RAI14: variants seen among roughly 807,000 people sequenced by gnomAD.
RAI14 encodes retinoic acid induced 14.
In RAI14, 45 loss-of-function variants were observed where a neutral mutation model predicts 115.4. The observed-to-expected ratio is 0.39, with a 90% CI of 0.31 to 0.50. The LOEUF (loss-of-function observed/expected upper bound fraction) is 0.50. RAI14 is among the 20% of genes least tolerant of loss of function. The pLI is 0.85. For synonymous variants in RAI14, 371 were observed against 415.4 expected, an observed-to-expected ratio of 0.89 and a Z score of 1.30; for missense variants, 939 against 1,131.2, an observed-to-expected ratio of 0.83 and a Z score of 2.44.
intron 10 of RAI14, among the ~76,000 whole-genome samples, chr5:34,813,050 T>C (rs1354836395): frequency 1.3e-5 from 2 of 152,248 alleles, no homozygotes; most frequent in African/African-American, 4.8e-5. Flanking sequence ...GAACAGTATA[T>C]GTTTGGTTGT....
At chr5:34,786,125 C>T (rs536606272) in intron 3 of RAI14, among the ~76,000 whole-genome samples, 80 of 152,306 alleles carry the variant, frequency 5.3e-4, no homozygotes, top group African/African-American at 1.5e-3. Flanking sequence ...AGAAATGCCC[C>T]GGTTTGGAAC....
At chr5:34,746,225 C>T (rs1746203252) in intron 2 of RAI14, among the ~76,000 whole-genome samples, 1 of 151,682 alleles carries the variant, frequency 6.6e-6, no homozygotes, top group Non-Finnish European at 1.5e-5. Context: ...CCTGCCTCAG[C>T]CTGCCAAGTA....
intron 2 of RAI14, chr5:34,688,053 C>T: frequency 7.0e-7 from 1 of 1,431,020 alleles, no homozygotes; most frequent in Non-Finnish European, 9.2e-7. Context: ...TTGATCTTAC[C>T]TTCTTATCCT....
At chr5:34,670,565 T>C (rs1427438532) in intron 1 of RAI14, among the ~76,000 whole-genome samples, 1 of 152,222 alleles carries the variant, frequency 6.6e-6, no homozygotes, top group Non-Finnish European at 1.5e-5. Context: ...ACCCTGCCTT[T>C]AAGGAACTGC....
chr5:34,777,060 G>A lies in RAI14; in HGVS notation c.168-18879G>A, dbSNP rs114266001. ...GTGGCATGCACCCGTAATACCAGCA[G>A]GAGGCTGAGGCAGGAGAATCGCTTG... On this transcript the variant is annotated intron_variant, in intron 3 of 17. Transcript: ENST00000265109. Among the ~76,000 whole-genome samples the A allele has an allele frequency of 3.9e-3, 589 of 151,948 alleles. 5 individuals are homozygous for A. Among genetic ancestry groups the A allele is most frequent in the African/African-American group, 0.014 (564 of 41,406 alleles).
At chr5:34,692,601 T>C (rs1738770093) in intron 2 of RAI14, among the ~76,000 whole-genome samples, 2 of 150,760 alleles carry the variant, frequency 1.3e-5, no homozygotes, top group Admixed American at 6.6e-5. Context: ...AAATCTATTT[T>C]AAGCTAAGCC....
chr5:34,775,524 C>T (rs527641255), intron 3 of RAI14, among the ~76,000 whole-genome samples: 8 of 152,172 alleles, frequency 5.3e-5, no homozygotes, highest in South Asian at 2.1e-4. Context: ...CTTTAGCCTA[C>T]GAGTTCAAGA....
At position 34,729,977 on chromosome 5, in the gene RAI14, G is replaced by C. The variant is rs999693398; in HGVS notation, c.37-27491G>C. ...TTAAAAAAAGTTCTCATTGTTTAGA[G>C]ACACATACTGAAATATTTATTGATG... On this transcript the variant is annotated intron_variant, in intron 2 of 17. Coordinates refer to ENST00000265109, the MANE Select transcript of RAI14 (RefSeq NM_015577.3). Among the ~76,000 whole-genome samples, 3 of 152,226 alleles carry C rather than the reference G, an allele frequency of 2.0e-5. No individual in the cohort carries two copies. The South Asian group carries it at 6.2e-4, about 32-fold the overall frequency.
intron 2 of RAI14, among the ~76,000 whole-genome samples, chr5:34,735,845 A>C (rs1580076949): frequency 6.6e-6 from 1 of 152,326 alleles, no homozygotes; most frequent in East Asian, 1.9e-4. Flanking sequence ...TTGTCTGTAC[A>C]ATTCCAGTAT....
At chr5:34,819,766 T>C (rs561295532) in intron 13 of RAI14, among the ~76,000 whole-genome samples, 7 of 152,300 alleles carry the variant, frequency 4.6e-5, no homozygotes, top group Non-Finnish European at 1.0e-4. Context: ...TTTTTATTTA[T>C]GTATTTATTG....
rs1428350297 is a variant in RAI14, at chr5:34,757,599, G to A, written c.167+1G>A. The A allele has an allele frequency of 2.5e-6, 4 of 1,606,338 alleles. No homozygotes were observed. The highest frequency in any genetic ancestry group is 3.4e-6 in the Non-Finnish European group (4 of 1,175,878). On this transcript the variant is annotated splice_donor_variant, in intron 3 of 17. Coordinates refer to ENST00000265109, the MANE Select transcript of RAI14 (RefSeq NM_015577.3). LOFTEE classifies it high-confidence loss of function. ...AACACGACAGTGAGGGCAAGACCGCGTAAGCTGAAACACTGGTTTGCAGAT... is the reference window on the plus strand; with the variant it reads ...AACACGACAGTGAGGGCAAGACCGCATAAGCTGAAACACTGGTTTGCAGAT...
At chr5:34,659,652 A>G (rs1204255079) in intron 1 of RAI14, among the ~76,000 whole-genome samples, 1 of 152,124 alleles carries the variant, frequency 6.6e-6, no homozygotes, top group Non-Finnish European at 1.5e-5. Context: ...TGTACAATAA[A>G]CATCCTGAGA....
chr5:34,798,831 C>G (rs1352398286), intron 4 of RAI14, among the ~76,000 whole-genome samples: 1 of 152,204 alleles, frequency 6.6e-6, no homozygotes, highest in African/African-American at 2.4e-5. Context: ...CAGTGGGAAC[C>G]AATTGAAATT....
At chr5:34,812,408 G>A (rs751457508) in intron 10 of RAI14, among the ~76,000 whole-genome samples, 200 bp downstream of exon 10, 14 of 152,232 alleles carry the variant, frequency 9.2e-5, no homozygotes, top group Non-Finnish European at 1.3e-4. Context: ...GCTCACGCCT[G>A]TAATCCCAGC....
chr5:34,734,226 A>AGG (rs1350261187), intron 2 of RAI14, among the ~76,000 whole-genome samples: 2 of 152,120 alleles, frequency 1.3e-5, no homozygotes, highest in Admixed American at 6.5e-5. Flanking sequence ...GTTGGTGGGC[A>AGG]GGGGGTGGGG....
intron 2 of RAI14, among the ~76,000 whole-genome samples, chr5:34,691,215 C>G (rs1738553149): frequency 6.6e-6 from 1 of 152,068 alleles, no homozygotes; most frequent in South Asian, 2.1e-4. Flanking sequence ...TTAACTCAGT[C>G]TCAAAAATGG....
chr5:34,696,077 C>G (rs576093286), intron 2 of RAI14, among the ~76,000 whole-genome samples: 2 of 152,288 alleles, frequency 1.3e-5, no homozygotes, highest in African/African-American at 4.8e-5. Flanking sequence ...GCCTTGGCAT[C>G]CCAAAGTTCT....
At chr5:34,752,370 A>T (rs1747144826) in intron 2 of RAI14, among the ~76,000 whole-genome samples, 1 of 152,164 alleles carries the variant, frequency 6.6e-6, no homozygotes, top group Non-Finnish European at 1.5e-5. Context: ...CCATGGGGGT[A>T]AGAAATGAAG....
intron 3 of RAI14, among the ~76,000 whole-genome samples, chr5:34,786,430 C>T (rs996985436): frequency 1.3e-5 from 2 of 152,292 alleles, no homozygotes; most frequent in African/African-American, 4.8e-5. Context: ...GAAGGGGGTG[C>T]AGAAGAGTAG....
Sources: allele counts gnomAD v4.1 joint callset (sites outside exome capture counted in the v4.1 genomes callset), GRCh38; gene constraint gnomAD v4.1.1; transcripts MANE v1.5; gene names NCBI Gene and HGNC (gene_info 2026-07-23, HGNC 2026-07-21).